The following GRID2 variants were observed in gnomAD, a reference collection of about 807,000 sequenced individuals.
GRID2 encodes the protein glutamate ionotropic receptor delta type subunit 2, also known as glutamate receptor ionotropic, delta-2.
A neutral mutation model predicts 114.8 loss-of-function variants in GRID2; 33 were observed. That is an observed-to-expected ratio of 0.29 (90% CI 0.22 to 0.38). GRID2 has a LOEUF of 0.38. GRID2 is among the 10% of genes least tolerant of loss of function. The probability of loss-of-function intolerance (pLI) is 1.00; values close to 1 mark genes in which losing one functional copy is unlikely to be tolerated. For synonymous variants in GRID2, 505 were observed against 449.9 expected (o/e 1.12, Z -1.55); for missense variants, 1,184 against 1,257.7 (o/e 0.94, Z 0.89).
At chr4:93,380,152 T>C (rs1267122942) in intron 8 of GRID2, among the ~76,000 whole-genome samples, 1 of 152,058 alleles carries the variant, frequency 6.6e-6, no homozygotes, top group Non-Finnish European at 1.5e-5. Flanking sequence ...TTATGGAATA[T>C]CTGAGTGGGC....
chr4:93,323,499 C>T (rs1424211909), intron 8 of GRID2, among the ~76,000 whole-genome samples: 3 of 152,242 alleles, frequency 2.0e-5, no homozygotes, highest in African/African-American at 7.2e-5. Flanking sequence ...CAGCTTTGTT[C>T]GTTTGAATTA....
chr4:92,333,007 G>A (rs1207290114), intron 1 of GRID2, among the ~76,000 whole-genome samples: 1 of 152,178 alleles, frequency 6.6e-6, no homozygotes, highest in Non-Finnish European at 1.5e-5. Flanking sequence ...GGGCTGTATA[G>A]TTCTGGGGTC....
intron 2 of GRID2, among the ~76,000 whole-genome samples, chr4:92,674,627 A>T (rs1328533032): frequency 6.6e-6 from 1 of 152,046 alleles, no homozygotes; most frequent in African/African-American, 2.4e-5. Context: ...GGTTCAAGCA[A>T]TTCTCTGCCT....
At chr4:93,770,351 G>A (rs891268496) in intron 15 of GRID2, among the ~76,000 whole-genome samples, 3 of 152,142 alleles carry the variant, frequency 2.0e-5, no homozygotes, top group African/African-American at 7.2e-5. Flanking sequence ...CTAGAACTTG[G>A]CTGACTAACT....
At chr4:92,789,503 C>A (rs1739474382) in intron 2 of GRID2, among the ~76,000 whole-genome samples, 1 of 151,786 alleles carries the variant, frequency 6.6e-6, no homozygotes, top group African/African-American at 2.4e-5. Context: ...ACTTGCCTGT[C>A]TCTTATGCCT....
At chr4:92,933,123 G>A (rs1211328392) in intron 2 of GRID2, among the ~76,000 whole-genome samples, 1 of 150,476 alleles carries the variant, frequency 6.6e-6, no homozygotes, top group African/African-American at 2.4e-5. Context: ...TATAGAAAAT[G>A]TGGACAATAT....
At chr4:93,629,703 T>TCAAGTC (rs1743072399) in intron 14 of GRID2, among the ~76,000 whole-genome samples, 1 of 152,178 alleles carries the variant, frequency 6.6e-6, no homozygotes, top group Admixed American at 6.5e-5. Flanking sequence ...AATTCAATAT[T>TCAAGTC]ACTTTTCAGG....
chr4:93,622,048 G>A (rs17357050), intron 13 of GRID2, among the ~76,000 whole-genome samples: 18,809 of 152,084 alleles, frequency 0.12, 1,220 homozygotes, highest in Middle Eastern at 0.14. Flanking sequence ...GGATCCAGGA[G>A]GCCAGACTAA....
intron 8 of GRID2, among the ~76,000 whole-genome samples, chr4:93,308,555 A>G (rs1024600379): frequency 4.6e-5 from 7 of 152,206 alleles, no homozygotes; most frequent in Non-Finnish European, 8.8e-5. Context: ...AAAGCAAGGA[A>G]AAGTCTCTTT....
At chr4:93,200,023 G>C (rs888793042) in intron 4 of GRID2, among the ~76,000 whole-genome samples, 3 of 152,080 alleles carry the variant, frequency 2.0e-5, no homozygotes, top group Non-Finnish European at 2.9e-5. Context: ...GTTGGTGTTT[G>C]TTTGTTTAGT....
At chr4:93,688,048 G>T (rs1229731691) in intron 14 of GRID2, among the ~76,000 whole-genome samples, 1 of 151,848 alleles carries the variant, frequency 6.6e-6, no homozygotes, top group African/African-American at 2.4e-5. Context: ...GTGCAACTGG[G>T]TTGGATGGCA....
At chr4:92,331,614 G>T (rs929928297) in intron 1 of GRID2, among the ~76,000 whole-genome samples, 2 of 152,138 alleles carry the variant, frequency 1.3e-5, no homozygotes, top group African/African-American at 4.8e-5. Context: ...CAGAAAACTG[G>T]AATGACTCAA....
At chr4:93,209,165 G>A (rs1286143150) in intron 5 of GRID2, among the ~76,000 whole-genome samples, 10 of 151,844 alleles carry the variant, frequency 6.6e-5, no homozygotes, top group Admixed American at 6.6e-4. Flanking sequence ...TCGTGTCATG[G>A]GGGTTTATTG....
chr4:92,548,186 G>T (rs1368773368), intron 1 of GRID2, among the ~76,000 whole-genome samples: 1 of 151,994 alleles, frequency 6.6e-6, no homozygotes, highest in Non-Finnish European at 1.5e-5. Context: ...CTCAATTAAA[G>T]ATGTAATATG....
intron 2 of GRID2, among the ~76,000 whole-genome samples, chr4:92,698,400 G>A (rs181090507): frequency 1.5e-3 from 225 of 151,990 alleles, no homozygotes; most frequent in African/African-American, 5.3e-3. Context: ...TAAAATGGGG[G>A]TAATGATGTT....
intron 2 of GRID2, among the ~76,000 whole-genome samples, chr4:92,955,931 G>C (rs1752374777): frequency 6.6e-6 from 1 of 152,116 alleles, no homozygotes; most frequent in Non-Finnish European, 1.5e-5. Flanking sequence ...GTGTTAGCCA[G>C]GATGTTCTCT....
intron 14 of GRID2, among the ~76,000 whole-genome samples, chr4:93,752,627 C>A (rs762810478): frequency 5.9e-5 from 9 of 152,166 alleles, no homozygotes; most frequent in Non-Finnish European, 1.2e-4. Flanking sequence ...ACCTCGGCCT[C>A]CCAAAGTGCT....
At chr4:93,255,681 T>C (rs180848436) in intron 8 of GRID2, among the ~76,000 whole-genome samples, 116 of 152,228 alleles carry the variant, frequency 7.6e-4, no homozygotes, top group African/African-American at 2.7e-3. Flanking sequence ...ACCTTGGGTC[T>C]TGTCTCTTTG....
chr4:93,189,894 G>A (rs909602978), intron 4 of GRID2, among the ~76,000 whole-genome samples: 5 of 150,754 alleles, frequency 3.3e-5, no homozygotes, highest in African/African-American at 1.2e-4. Flanking sequence ...TAAAAAACCT[G>A]CAATAGATCA....
Sources: gnomAD v4.1 joint callset for allele counts (sites outside exome capture counted in the v4.1 genomes callset) on GRCh38, gnomAD v4.1.1 for gene constraint, MANE v1.5 for transcripts, NCBI Gene and HGNC (gene_info 2026-07-23, HGNC 2026-07-21) for gene names.